CPNE8: variants seen among roughly 807,000 people sequenced by gnomAD.
CPNE8 encodes copine 8.
CPNE8 carries 45 observed loss-of-function variants against 81.5 expected under a neutral mutation model. The ratio of observed to expected loss-of-function variants is 0.55; its 90% CI spans 0.44 to 0.71. The LOEUF (loss-of-function observed/expected upper bound fraction) is 0.71. Among genes scored for constraint, CPNE8 ranks in the 30% least tolerant of loss-of-function variants. CPNE8 has a pLI of 0.00. For missense variants in CPNE8, 594 were observed against 672.1 expected (o/e 0.88, Z 1.28); for synonymous variants, 252 against 226.3 (o/e 1.11, Z -1.02).
intron 11 of CPNE8, among the ~76,000 whole-genome samples, chr12:38,726,824 T>A (rs1489409674): frequency 6.6e-6 from 1 of 152,214 alleles, no homozygotes; most frequent in East Asian, 1.9e-4. Context: ...GTCTTTTTGC[T>A]GTCAGCACAT....
At chr12:38,797,445 G>C (rs1044950826) in intron 6 of CPNE8, among the ~76,000 whole-genome samples, 1 of 152,152 alleles carries the variant, frequency 6.6e-6, no homozygotes, top group Non-Finnish European at 1.5e-5. Context: ...ACAGGGTCTG[G>C]AGTGGACCTC....
chr12:38,866,305 C>T (rs1943912773), intron 3 of CPNE8, among the ~76,000 whole-genome samples: 1 of 152,160 alleles, frequency 6.6e-6, no homozygotes, highest in African/African-American at 2.4e-5. Flanking sequence ...AATATAGTTG[C>T]TGTAGATTGA....
At chr12:38,797,470 A>C (rs951504524) in intron 6 of CPNE8, among the ~76,000 whole-genome samples, 4 of 152,232 alleles carry the variant, frequency 2.6e-5, no homozygotes, top group African/African-American at 9.7e-5. Flanking sequence ...AAACTCCAAC[A>C]GACCTGCAGC....
intron 6 of CPNE8, among the ~76,000 whole-genome samples, chr12:38,826,882 C>A (rs1943202934): frequency 6.6e-6 from 1 of 150,790 alleles, no homozygotes; most frequent in Non-Finnish European, 1.5e-5. Context: ...ATATGTATAC[C>A]ACATAGGCTG....
At chr12:38,819,840 C>T (rs1399533256) in intron 6 of CPNE8, among the ~76,000 whole-genome samples, 6 of 150,158 alleles carry the variant, frequency 4.0e-5, no homozygotes, top group South Asian at 2.1e-4. Flanking sequence ...TTTATCAGTG[C>T]GTTATAACTC....
chr12:38,855,503 T>C (rs1430473670), intron 3 of CPNE8, among the ~76,000 whole-genome samples: 1 of 152,156 alleles, frequency 6.6e-6, no homozygotes, highest in Non-Finnish European at 1.5e-5. Context: ...CAACACAGCA[T>C]GTTACTGTCA....
intron 12 of CPNE8, among the ~76,000 whole-genome samples, chr12:38,724,054 C>A (rs533992863): frequency 1.3e-5 from 2 of 152,096 alleles, no homozygotes; most frequent in Non-Finnish European, 2.9e-5. Flanking sequence ...CAGTTTACTT[C>A]CTTTGAAGAC....
chr12:38,663,728 C>T (rs1939007165), intron 19 of CPNE8, among the ~76,000 whole-genome samples: 1 of 152,052 alleles, frequency 6.6e-6, no homozygotes, highest in African/African-American at 2.4e-5. Context: ...GACCTAAGTC[C>T]ATTCATTAAC....
intron 13 of CPNE8, among the ~76,000 whole-genome samples, 182 bp downstream of exon 13, chr12:38,723,590 C>T (rs559413851): frequency 6.6e-6 from 1 of 152,158 alleles, no homozygotes; most frequent in Admixed American, 6.5e-5. Context: ...TACAATTTGC[C>T]CCAAAAGTAA....
chr12:38,795,867 GGATAGATAGATAGATA>G (rs11377515), intron 6 of CPNE8, among the ~76,000 whole-genome samples: 2 of 148,134 alleles, frequency 1.4e-5, no homozygotes, highest in Non-Finnish European at 3.0e-5. Flanking sequence ...ATGGATGGAT[GGATAGATAGATAGATA>G]GATAGATAGA....
chr12:38,794,973 T>C (rs1208620086), intron 6 of CPNE8, among the ~76,000 whole-genome samples: 1 of 152,204 alleles, frequency 6.6e-6, no homozygotes, highest in Non-Finnish European at 1.5e-5. Context: ...AGACCCTTAC[T>C]TGCTGAATCT....
chr12:38,733,521 C>T (rs1222525733), intron 10 of CPNE8, among the ~76,000 whole-genome samples: 2 of 151,838 alleles, frequency 1.3e-5, no homozygotes, highest in Non-Finnish European at 2.9e-5. Context: ...CCTTGTGATT[C>T]AATAATACTG....
At chr12:38,868,454 T>C (rs562352389) in intron 3 of CPNE8, among the ~76,000 whole-genome samples, 1 of 152,166 alleles carries the variant, frequency 6.6e-6, no homozygotes, top group Non-Finnish European at 1.5e-5. Context: ...ACTTAAAAGA[T>C]ACTTGGTAGA....
At chr12:38,892,290 A>G (rs1944324100) in intron 1 of CPNE8, among the ~76,000 whole-genome samples, 1 of 152,236 alleles carries the variant, frequency 6.6e-6, no homozygotes, top group Non-Finnish European at 1.5e-5. Context: ...AACACATGCT[A>G]GCATACTTGG....
intron 6 of CPNE8, among the ~76,000 whole-genome samples, chr12:38,795,703 C>T (rs573547827): frequency 1.7e-4 from 26 of 151,902 alleles, no homozygotes; most frequent in East Asian, 1.4e-3. Context: ...TGGTAATTAC[C>T]GGCAGCTAGA....
rs1944556256 is a variant in CPNE8 at position 38,905,493 on chromosome 12, C to G, written c.42G>C (p.Leu14Phe). 1 of 1,576,346 alleles carries G rather than the reference C, an allele frequency of 6.3e-7. No individual in the cohort carries two copies. The highest frequency in any genetic ancestry group is 1.2e-5 in the South Asian group (1 of 86,030). ...CCGGGATGGCAGCGCTCAGCTGGTT[C>G]AAGTCCCCGATGCCCGCAGTGCTGT... The part of the protein sequence containing the change: ...RYNSTAGIGD[L>F]NQLSAAIPAT... The change falls in exon 1 of 20, where the codon TTG becomes TTC. Residue 14 changes from leucine (L) to phenylalanine (F), a missense_variant. By Grantham distance (22) the Leu-to-Phe change is conservative. Coordinates refer to ENST00000331366, the MANE Select transcript of CPNE8 (RefSeq NM_153634.3).
At chr12:38,765,704 T>C (rs1026731010) in intron 8 of CPNE8, among the ~76,000 whole-genome samples, 20 of 152,212 alleles carry the variant, frequency 1.3e-4, no homozygotes, top group African/African-American at 4.8e-4. Context: ...TGGATCGAGC[T>C]GGCAAACTAG....
intron 3 of CPNE8, among the ~76,000 whole-genome samples, chr12:38,857,612 A>G (rs1470409478): frequency 6.6e-6 from 1 of 152,220 alleles, no homozygotes; most frequent in Admixed American, 6.5e-5. Flanking sequence ...CAAACCAAAA[A>G]TTAAAAATAA....
At chr12:38,692,067 G>A (rs12231800) in intron 15 of CPNE8, among the ~76,000 whole-genome samples, 16,085 of 152,098 alleles carry the variant, frequency 0.11, 1,073 homozygotes, top group East Asian at 0.25. Flanking sequence ...TGAGGCAGGC[G>A]AATTGCTTGA....
Sources: gnomAD v4.1 joint callset for allele counts (sites outside exome capture counted in the v4.1 genomes callset) on GRCh38, gnomAD v4.1.1 for gene constraint, MANE v1.5 for transcripts, NCBI Gene and HGNC (gene_info 2026-07-23, HGNC 2026-07-21) for gene names.